ADGRD1: variants seen among roughly 807,000 people sequenced by gnomAD.
The protein encoded by ADGRD1 is G-protein coupled receptor 133.
A neutral mutation model predicts 113.4 loss-of-function variants in ADGRD1; 77 were observed. That is an observed-to-expected ratio of 0.68 (90% CI 0.57 to 0.82). The LOEUF (loss-of-function observed/expected upper bound fraction) is 0.82. Among genes scored for constraint, ADGRD1 ranks in the 40% least tolerant of loss-of-function variants. The probability of loss-of-function intolerance (pLI) is 0.00; values close to 1 mark genes in which losing one functional copy is unlikely to be tolerated. For synonymous variants in ADGRD1, 474 were observed against 475.0 expected (o/e 1.00, Z 0.03); for missense variants, 1,036 against 1,139.1 (o/e 0.91, Z 1.30).
chr12:130,968,797 T>C, intron 3 of ADGRD1: 1 of 587,462 alleles, frequency 1.7e-6, no homozygotes, highest in Non-Finnish European at 3.0e-6. Context: ...GCCGAGCTGC[T>C]GACCAAAGTA....
At chr12:131,083,600 C>T (rs541971761) in intron 14 of ADGRD1, among the ~76,000 whole-genome samples, 2 of 152,210 alleles carry the variant, frequency 1.3e-5, no homozygotes, top group African/African-American at 4.8e-5. Flanking sequence ...GATTGAGACC[C>T]TGTCTCAAAG....
chr12:130,971,457 G>C lies in ADGRD1; in HGVS notation c.188-1G>C. 1.2e-6 allele frequency: 2 copies of C among 1,612,634 alleles called. No individual in the cohort carries two copies. The highest frequency in any genetic ancestry group is 1.7e-6 in the Non-Finnish European group (2 of 1,179,126). On this transcript the variant is annotated splice_acceptor_variant, in intron 3 of 24. Coordinates refer to ENST00000261654, the MANE Select transcript of ADGRD1 (RefSeq NM_198827.5). LOFTEE classifies it high-confidence loss of function. This position sits in a 1 kb window ranked among gnomAD's most constrained non-coding sequence, Gnocchi z 4.2. Reference sequence around the variant, plus strand: ...ATGATGTTGTCATTTTTCTTCCTTAGATATTGTGGAAGGGAAGGTCAACAA... The same window carrying C: ...ATGATGTTGTCATTTTTCTTCCTTACATATTGTGGAAGGGAAGGTCAACAA...
chr12:130,972,022 C>G (rs2136538076), intron 4 of ADGRD1, among the ~76,000 whole-genome samples: 1 of 152,284 alleles, frequency 6.6e-6, no homozygotes. Context: ...GGTTCTTTTA[C>G]ATTCATCGAG....
At chr12:130,973,645 C>A (rs1005448785) in intron 4 of ADGRD1, among the ~76,000 whole-genome samples, 5 of 152,238 alleles carry the variant, frequency 3.3e-5, no homozygotes, top group African/African-American at 1.2e-4. Context: ...TCACTCATTT[C>A]ATGCCCCCAA....
At chr12:131,039,213 C>G (rs1881862677) in intron 13 of ADGRD1, among the ~76,000 whole-genome samples, 1 of 114,190 alleles carries the variant, frequency 8.8e-6, no homozygotes, top group South Asian at 2.3e-4. Context: ...CGGGACGGTG[C>G]GGAGAGCCCT....
rs1346706081 is a variant in ADGRD1 at position 131,050,042 on chromosome 12, G to A, written c.1474-26759G>A. 2.6e-5 allele frequency among the ~76,000 whole-genome samples: 4 copies of A among 152,212 alleles called. No individual in the cohort carries two copies. Among genetic ancestry groups the A allele is most frequent in the African/African-American group, 7.2e-5 (3 of 41,452 alleles). Reference sequence around the variant, plus strand: ...GCCCTCTACCTGGGAAACTGGGCACGAATGCTTCTCTTGCATAGTGCTTGG... The same window carrying A: ...GCCCTCTACCTGGGAAACTGGGCACAAATGCTTCTCTTGCATAGTGCTTGG... On this transcript the variant is annotated intron_variant, in intron 13 of 24. Coordinates refer to ENST00000261654, the MANE Select transcript of ADGRD1 (RefSeq NM_198827.5). The surrounding 1 kb of genome is among the most constrained non-coding windows in gnomAD (Gnocchi z 4.8).
rs540202342 is a variant in ADGRD1, at chr12:131,133,825, C to T, written c.2267+2009C>T. The stretch of plus-strand genomic sequence containing the variant: ...AGGCAGGAAGAGGCAGTCACTGCAT[C>T]GTGAGGAAGCTTCCCCAGCACCTTG... On this transcript the variant is annotated intron_variant, in intron 21 of 24. Coordinates refer to ENST00000261654, the MANE Select transcript of ADGRD1 (RefSeq NM_198827.5). Among the ~76,000 whole-genome samples, 11 of 152,306 alleles carry T rather than the reference C, an allele frequency of 7.2e-5. No individual in the cohort carries two copies. In the South Asian group the frequency reaches 2.1e-3, roughly 29 times the overall value.
intron 14 of ADGRD1, among the ~76,000 whole-genome samples, chr12:131,080,359 T>C (rs151312788): frequency 1.0e-3 from 159 of 152,292 alleles, no homozygotes; most frequent in African/African-American, 3.7e-3. Context: ...TTTTAGTTCT[T>C]TTAAATTTGT....
At chr12:131,014,775 T>G (rs1336364795) in intron 13 of ADGRD1, among the ~76,000 whole-genome samples, 1 of 152,216 alleles carries the variant, frequency 6.6e-6, no homozygotes, top group African/African-American at 2.4e-5. Context: ...GCTTCAGGCA[T>G]TGCGTGATAA....
chr12:131,014,118 C>A, intron 12 of ADGRD1, 81 bp from the exon 13 acceptor site: 1 of 1,395,524 alleles, frequency 7.2e-7, no homozygotes, highest in Non-Finnish European at 9.8e-7. Flanking sequence ...TTGGGTGGAA[C>A]GCTGGCTCCC....
In ADGRD1 at chr12:131,002,529, G is replaced by C. The variant is rs1876515424; in HGVS notation, c.1027-656G>C. 7.0e-6 allele frequency: 7 copies of C among 994,536 alleles called. No homozygotes were observed. The South Asian group carries it at 1.3e-4, about 19-fold the overall frequency. 61.6% of individuals were successfully genotyped at this position (994,536 alleles called of 1,614,324 possible). On this transcript the variant is annotated intron_variant, in intron 9 of 24. Transcript: ENST00000261654. The stretch of plus-strand genomic sequence containing the variant: ...GGCAGGAAGAGAAGCAGTGAAGGCA[G>C]AGCTCACTGGCCCAGCTCAGCAGGG...
intron 18 of ADGRD1, among the ~76,000 whole-genome samples, chr12:131,115,622 T>G (rs114011065): frequency 4.5e-4 from 68 of 152,222 alleles, no homozygotes; most frequent in African/African-American, 1.6e-3. Context: ...ACCGGTCTGG[T>G]CCCTCTGAAG....
chr12:131,105,936 T>C (rs1047499308), intron 17 of ADGRD1, 71 bp downstream of exon 17: 7 of 1,088,526 alleles, frequency 6.4e-6, no homozygotes, highest in African/African-American at 6.2e-5. Flanking sequence ...GGGTGGCACC[T>C]TCTGCTAGCT....
At chr12:131,026,023 C>T (rs979320550) in intron 13 of ADGRD1, 15 of 152,276 alleles carry the variant, frequency 9.9e-5, no homozygotes, top group Admixed American at 4.6e-4. Flanking sequence ...GTGACTGTGT[C>T]ACTGTGCCCG....
At chr12:130,974,198 G>T (rs1479757433) in intron 4 of ADGRD1, among the ~76,000 whole-genome samples, 1 of 152,244 alleles carries the variant, frequency 6.6e-6, no homozygotes, top group East Asian at 1.9e-4. Flanking sequence ...TTCTGTGTGC[G>T]GGAAAACAAG....
Position 131,000,418 on chromosome 12 carries a change from G to C in ADGRD1, c.1002G>C (p.Leu334=), listed in dbSNP as rs1202966479. The change falls in exon 9 of 25, where the codon CTG becomes CTC. Residue 334 remains leucine (L), a synonymous_variant. Coordinates refer to ENST00000261654, the MANE Select transcript of ADGRD1 (RefSeq NM_198827.5). ...AAGCCGTGGGAGAGATCCTTCTACTGCCTGGTTGGATTGCTCTGTCAGAGG... is the reference window on the plus strand; with the variant it reads ...AAGCCGTGGGAGAGATCCTTCTACTCCCTGGTTGGATTGCTCTGTCAGAGG... The part of the protein sequence containing the change: ...FLKAVGEILL[L]PGWIALSEDS... 2.5e-6 allele frequency: 4 copies of C among 1,612,838 alleles called. No individual in the cohort carries two copies. The highest frequency in any genetic ancestry group is 3.4e-6 in the Non-Finnish European group (4 of 1,179,292).
chr12:130,973,489 G>A (rs1744329179), intron 4 of ADGRD1: 1 of 152,108 alleles, frequency 6.6e-6, no homozygotes, highest in Non-Finnish European at 1.5e-5. Flanking sequence ...TCATCACTAG[G>A]GTATCTTTTC....
At chr12:131,053,237 G>C (rs937410540) in intron 13 of ADGRD1, among the ~76,000 whole-genome samples, 10 of 152,216 alleles carry the variant, frequency 6.6e-5, no homozygotes. Context: ...GCTGGTGATG[G>C]CCTGGGCCCT....
intron 11 of ADGRD1, 129 bp from the exon 12 acceptor site, chr12:131,005,838 CCTTCA>C: frequency 2.8e-6 from 2 of 702,678 alleles, no homozygotes; most frequent in Non-Finnish European, 5.0e-6. Flanking sequence ...GCCCGAGTGT[CCTTCA>C]CTTCCTTCTC....
Sources: gnomAD v4.1 joint callset for allele counts (sites outside exome capture counted in the v4.1 genomes callset) on GRCh38, gnomAD v4.1.1 for gene constraint, Gnocchi (gnomAD v3.1) non-coding constraint, MANE v1.5 for transcripts, NCBI Gene and HGNC (gene_info 2026-07-23, HGNC 2026-07-21) for gene names.